PLEKHA3: variants seen among roughly 807,000 people sequenced by gnomAD.
PLEKHA3 encodes the protein pleckstrin homology domain-containing family A member 3.
Under a neutral mutation model 39.2 loss-of-function variants are expected in PLEKHA3, and 19 were observed. The observed-to-expected ratio is 0.48, with a 90% confidence interval of 0.34 to 0.71. PLEKHA3 has a LOEUF of 0.71. Ranked by LOEUF, PLEKHA3 falls within the 30% of genes least tolerant of loss-of-function variation. PLEKHA3 has a pLI of 0.01. For missense variants in PLEKHA3, 253 were observed against 359.5 expected (o/e 0.70, Z 2.40); for synonymous variants, 97 against 118.6 (o/e 0.82, Z 1.18).
At chr2:178,492,504 G>C (rs1276833215) in intron 3 of PLEKHA3, among the ~76,000 whole-genome samples, 3 of 150,200 alleles carry the variant, frequency 2.0e-5, no homozygotes, top group African/African-American at 7.3e-5. Flanking sequence ...GATAGCATTG[G>C]TAGATATACC....
At chr2:178,502,556 A>T (rs1487332278) in intron 7 of PLEKHA3, 1 of 174,528 alleles carries the variant, frequency 5.7e-6, no homozygotes, top group African/African-American at 2.4e-5. Flanking sequence ...TTCATGAAGG[A>T]GTTCTGTATG....
At position 178,505,006 on chromosome 2, in the gene PLEKHA3, TG is replaced by T. The variant is rs1685583551; in HGVS notation, c.*1120del. The T allele has an allele frequency of 6.6e-6, 1 of 152,442 alleles. No individual in the cohort carries two copies. The highest frequency in any genetic ancestry group is 1.5e-5 in the Non-Finnish European group (1 of 67,868). 9.4% of individuals were successfully genotyped at this position (152,442 alleles called of 1,614,324 possible). ...AGCACTTTAAAACAAACTGGTGTGT[TG>T]TTTTTAAGTTAATCATATGTTTAAT... On this transcript the variant is annotated 3_prime_UTR_variant, in exon 8 of 8. Transcript: ENST00000234453.
intron 1 of PLEKHA3, among the ~76,000 whole-genome samples, chr2:178,485,357 G>T (rs1043176765): frequency 2.8e-4 from 42 of 152,326 alleles, no homozygotes; most frequent in African/African-American, 8.7e-4. Flanking sequence ...CTATTACTGA[G>T]GATGGGCCTT....
chr2:178,515,653 C>T lies in PLEKHA3; in HGVS notation c.*11766C>T, dbSNP rs1230361906. 6.6e-6 allele frequency: 1 copy of T among 152,162 alleles called. No individual in the cohort carries two copies. The highest frequency in any genetic ancestry group is 1.9e-4 in the East Asian group (1 of 5,178). 9.4% of individuals were successfully genotyped at this position (152,162 alleles called of 1,614,324 possible). ...AATTTCTTCAGTTAATATTCATTGA[C>T]CACTCACTAAGTGTTATGTTGCTAG... On this transcript the variant is annotated 3_prime_UTR_variant, in exon 8 of 8. Coordinates refer to ENST00000234453, the MANE Select transcript of PLEKHA3 (RefSeq NM_019091.4).
intron 2 of PLEKHA3, among the ~76,000 whole-genome samples, chr2:178,489,763 CA>C (rs1559383319): frequency 1.3e-5 from 2 of 152,044 alleles, no homozygotes; most frequent in Admixed American, 1.3e-4. Context: ...TTTTCTTAAC[CA>C]AATCCCGCTT....
chr2:178,494,188 C>G (rs375513545), intron 4 of PLEKHA3, among the ~76,000 whole-genome samples, 199 bp downstream of exon 4: 20 of 152,172 alleles, frequency 1.3e-4, no homozygotes, highest in Non-Finnish European at 2.5e-4. Context: ...CATGAAGTAG[C>G]ATATTTCTCC....
chr2:178,488,818 C>G, intron 2 of PLEKHA3: 1 of 275,210 alleles, frequency 3.6e-6, no homozygotes. Flanking sequence ...GAATTATATT[C>G]TTGATGATAT....
In PLEKHA3 at chr2:178,509,620, G is replaced by A. The variant is rs1167464909; in HGVS notation, c.*5733G>A. The A allele has an allele frequency of 6.6e-6, 1 of 152,076 alleles. No homozygotes were observed. The highest frequency in any genetic ancestry group is 1.5e-5 in the Non-Finnish European group (1 of 68,190). 9.4% of individuals were successfully genotyped at this position (152,076 alleles called of 1,614,324 possible). A position where few individuals can be genotyped will look rare whatever the true frequency, so the allele number is the denominator to read the frequency against. On this transcript the variant is annotated 3_prime_UTR_variant, in exon 8 of 8. Transcript: ENST00000234453. ...AGCCTCCCGAATAACTAGGACTACA[G>A]GCATGCACCACTACTCCTGGCTAAT...
At chr2:178,487,375 G>A (rs1167911116) in intron 2 of PLEKHA3, among the ~76,000 whole-genome samples, 1 of 152,126 alleles carries the variant, frequency 6.6e-6, no homozygotes, top group Non-Finnish European at 1.5e-5. Flanking sequence ...GGATTCAAAT[G>A]AGCCTGACTA....
At position 178,516,112 on chromosome 2, in the gene PLEKHA3, A is replaced by C. The variant is rs1242585443; in HGVS notation, c.*12225A>C. 1.3e-5 allele frequency: 2 copies of C among 151,508 alleles called. No homozygotes were observed. Among genetic ancestry groups the C allele is most frequent in the Non-Finnish European group, 2.9e-5 (2 of 67,824 alleles). The allele number at this position is 151,508 out of a possible 1,614,324, so 9.4% of individuals were successfully genotyped here. A position where few individuals can be genotyped will look rare whatever the true frequency, so the allele number is the denominator to read the frequency against. Reference sequence around the variant, plus strand: ...TATATACATAAAATGATTCTTGCAAAAGTAGTTATGGGTATTTAAGTGAAA... The same window carrying C: ...TATATACATAAAATGATTCTTGCAACAGTAGTTATGGGTATTTAAGTGAAA... On this transcript the variant is annotated 3_prime_UTR_variant, in exon 8 of 8. Coordinates refer to ENST00000234453, the MANE Select transcript of PLEKHA3 (RefSeq NM_019091.4).
rs1002485345 is a variant in PLEKHA3, at chr2:178,509,647, T to G, written c.*5760T>G. 2 of 151,994 alleles carry G rather than the reference T, an allele frequency of 1.3e-5. No individual in the cohort carries two copies. The highest frequency in any genetic ancestry group is 4.8e-5 in the African/African-American group (2 of 41,314). The allele number at this position is 151,994 out of a possible 1,614,324, so 9.4% of individuals were successfully genotyped here. The stretch of plus-strand genomic sequence containing the variant: ...CATGCACCACTACTCCTGGCTAATT[T>G]TTGTATTTTTTTGTAGCAGCAGGGT... On this transcript the variant is annotated 3_prime_UTR_variant, in exon 8 of 8. Coordinates refer to ENST00000234453, the MANE Select transcript of PLEKHA3 (RefSeq NM_019091.4).
At chr2:178,503,030 ATTC>A (rs909178461) in intron 7 of PLEKHA3, among the ~76,000 whole-genome samples, 3 of 152,026 alleles carry the variant, frequency 2.0e-5, no homozygotes, top group African/African-American at 4.8e-5. Context: ...ACTCAAAAAT[ATTC>A]TTCTTGTGAG....
chr2:178,491,624 T>C (rs1685348702), intron 3 of PLEKHA3, among the ~76,000 whole-genome samples: 2 of 152,270 alleles, frequency 1.3e-5, no homozygotes, highest in Admixed American at 6.5e-5. Context: ...AAATGATTTA[T>C]GTTATTAGTT....
chr2:178,486,883 A>G (rs200811484), intron 2 of PLEKHA3, among the ~76,000 whole-genome samples: 4 of 152,242 alleles, frequency 2.6e-5, no homozygotes, highest in East Asian at 3.8e-4. Context: ...GTGTATCTCT[A>G]GAAGTGGAGT....
At position 178,510,871 on chromosome 2, in the gene PLEKHA3, A is replaced by G. The variant is rs1685672903; in HGVS notation, c.*6984A>G. On this transcript the variant is annotated 3_prime_UTR_variant, in exon 8 of 8. Coordinates refer to ENST00000234453, the MANE Select transcript of PLEKHA3 (RefSeq NM_019091.4). ...TAAAATTTTAATCTATTTTCTAATC[A>G]AAGTGTTTTGGGGAACATTTAATTT... 1 of 152,194 alleles carries G rather than the reference A, an allele frequency of 6.6e-6. No individual in the cohort carries two copies. Among genetic ancestry groups the G allele is most frequent in the Admixed American group, 6.5e-5 (1 of 15,282 alleles). 9.4% of individuals were successfully genotyped at this position (152,194 alleles called of 1,614,324 possible).
Position 178,480,825 on chromosome 2 carries a change from G to T in PLEKHA3, c.-45G>T, listed in dbSNP as rs777445344. The T allele has an allele frequency of 2.3e-6, 3 of 1,314,566 alleles. No individual in the cohort carries two copies. The highest frequency in any genetic ancestry group is 6.1e-5 in the Admixed American group (2 of 32,660). The allele number at this position is 1,314,566 out of a possible 1,614,324, so 81.4% of individuals were successfully genotyped here. ...GGCCCTGCGCCTACCCCATCACCGC[G>T]GCCGGCGCCGGGCCGGGAGGATGCG... On this transcript the variant is annotated 5_prime_UTR_variant, in exon 1 of 8. Coordinates refer to ENST00000234453, the MANE Select transcript of PLEKHA3 (RefSeq NM_019091.4).
intron 6 of PLEKHA3, 44 bp downstream of exon 6, chr2:178,499,298 C>A (rs766159819): frequency 1.3e-6 from 2 of 1,591,710 alleles, no homozygotes; most frequent in Non-Finnish European, 1.7e-6. Context: ...CAAATTATAT[C>A]CATCTAGGGA....
chr2:178,490,735 A>G lies in PLEKHA3; in HGVS notation c.234A>G (p.Ala78=), dbSNP rs766007256. The G allele has an allele frequency of 6.2e-7, 1 of 1,614,118 alleles. No homozygotes were observed. The highest frequency in any genetic ancestry group is 8.5e-7 in the Non-Finnish European group (1 of 1,179,922). Residue 78 remains alanine, a synonymous_variant, in exon 3 of 8, where the codon GCA becomes GCG. Transcript: ENST00000234453. ...EQHFYMKAVN[A]AERQRWLVAL... Reference sequence around the variant, plus strand: ...ATTTCTACATGAAGGCAGTGAATGCAGCTGAAAGACAGAGGTGGCTGGTCG... The same window carrying G: ...ATTTCTACATGAAGGCAGTGAATGCGGCTGAAAGACAGAGGTGGCTGGTCG...
rs953735229 is a variant in PLEKHA3 at position 178,488,125 on chromosome 2, A to G, written c.157+2368A>G. Among the ~76,000 whole-genome samples the G allele has an allele frequency of 3.9e-5, 6 of 152,278 alleles. No individual in the cohort carries two copies. The South Asian group carries it at 1.2e-3, about 32-fold the overall frequency. ...TCCTGTCTCCACAAAAAGGAAAAAA[A>G]AAAAGGGTTGAATGTTGTCTTCTTT... On this transcript the variant is annotated intron_variant, in intron 2 of 7. Transcript: ENST00000234453.
Sources: gnomAD v4.1 joint callset for allele counts (sites outside exome capture counted in the v4.1 genomes callset) on GRCh38, gnomAD v4.1.1 for gene constraint, MANE v1.5 for transcripts, NCBI Gene and HGNC (gene_info 2026-07-23, HGNC 2026-07-21) for gene names.